The following PLXNA2 variants were observed in gnomAD, a reference collection of about 807,000 sequenced individuals.
The protein encoded by PLXNA2 is plexin-A2.
Under a neutral mutation model 193.5 loss-of-function variants are expected in PLXNA2, and 91 were observed. The ratio of observed to expected loss-of-function variants is 0.47; its 90% confidence interval spans 0.40 to 0.56. The LOEUF is 0.56. Among genes scored for constraint, PLXNA2 ranks in the 20% least tolerant of loss-of-function variants. PLXNA2 has a pLI of 0.00. For missense variants in PLXNA2, 1,995 were observed against 2,503.2 expected (o/e 0.80, Z 4.33); for synonymous variants, 997 against 1,027.3 (o/e 0.97, Z 0.56).
intron 3 of PLXNA2, among the ~76,000 whole-genome samples, chr1:208,149,844 C>T (rs1220599952): frequency 6.6e-6 from 1 of 152,168 alleles, no homozygotes; most frequent in Non-Finnish European, 1.5e-5. Context: ...CACTCACATA[C>T]ACATACACAC....
chr1:208,182,718 G>C (rs1669883382), intron 3 of PLXNA2, among the ~76,000 whole-genome samples: 3 of 151,940 alleles, frequency 2.0e-5, no homozygotes, highest in Admixed American at 2.0e-4. Flanking sequence ...CAAGAAAAGG[G>C]GTTTGAAGGG....
chr1:208,235,448 G>A (rs914132084), intron 1 of PLXNA2, among the ~76,000 whole-genome samples: 1 of 151,976 alleles, frequency 6.6e-6, no homozygotes, highest in Admixed American at 6.6e-5. Flanking sequence ...CCCTCTTCCC[G>A]GGCCTGGCTC....
At chr1:208,134,265 C>T (rs770205813) in intron 4 of PLXNA2, among the ~76,000 whole-genome samples, 1 of 152,130 alleles carries the variant, frequency 6.6e-6, no homozygotes, top group Non-Finnish European at 1.5e-5. Flanking sequence ...ATATTAATAG[C>T]CAGAGAATCA....
At position 208,098,849 on chromosome 1, in the gene PLXNA2, C is replaced by T. The variant is rs1391252076; in HGVS notation, c.1728G>A (p.Arg576=). The change falls in exon 6 of 32, where the codon CGG becomes CGA. Residue 576 remains arginine (R), a synonymous_variant. Coordinates refer to ENST00000367033, the MANE Select transcript of PLXNA2 (RefSeq NM_025179.4). The stretch of plus-strand genomic sequence containing the variant: ...TGCCCCTGGATGAGTTACTTACCAA[C>T]CGGCTGTGCTCAGATACTGAGATGC... ...PSSISVSEHS[R]LLSLVVSDAP... 1 of 1,613,550 alleles carries T rather than the reference C, an allele frequency of 6.2e-7. No homozygotes were observed. Among genetic ancestry groups the T allele is most frequent in the Admixed American group, 1.7e-5 (1 of 59,954 alleles).
chr1:208,233,734 T>C (rs1671764421), intron 1 of PLXNA2, among the ~76,000 whole-genome samples: 1 of 152,184 alleles, frequency 6.6e-6, no homozygotes, highest in African/African-American at 2.4e-5. Context: ...TGTCTCAGCC[T>C]CTTCAAGCTG....
At chr1:208,147,614 A>C (rs1668639366) in intron 3 of PLXNA2, among the ~76,000 whole-genome samples, 1 of 152,204 alleles carries the variant, frequency 6.6e-6, no homozygotes, top group Non-Finnish European at 1.5e-5. Context: ...TCCTGAGGTA[A>C]ATACTATTTT....
rs1302995386 is a variant in PLXNA2, at chr1:208,216,726, C to T, written c.1188+9G>A. 6.2e-7 allele frequency: 1 copy of T among 1,606,760 alleles called. No individual in the cohort carries two copies. The highest frequency in any genetic ancestry group is 1.3e-5 in the African/African-American group (1 of 75,038). On this transcript the variant is annotated intron_variant, in intron 2 of 31. Transcript: ENST00000367033. ...GAGCAGGAGCAGAGCGAGGTGTGTG[C>T]CTCCTTACCGCCTTGGTGCACTGGA...
intron 3 of PLXNA2, among the ~76,000 whole-genome samples, chr1:208,171,552 T>A (rs1397825117): frequency 6.6e-6 from 1 of 152,166 alleles, no homozygotes; most frequent in Non-Finnish European, 1.5e-5. Context: ...GTAATAGGCC[T>A]AGCAAGATGG....
At chr1:208,161,184 A>T (rs1216676996) in intron 3 of PLXNA2, among the ~76,000 whole-genome samples, 1 of 152,158 alleles carries the variant, frequency 6.6e-6, no homozygotes, top group African/African-American at 2.4e-5. Flanking sequence ...ACCAGTCTGG[A>T]ATCTCTGGCA....
At position 208,210,568 on chromosome 1, in the gene PLXNA2, G is replaced by C. The variant is rs1462603010; in HGVS notation, c.1189-106C>G. The C allele has an allele frequency of 6.1e-6, 6 of 984,694 alleles. No individual in the cohort carries two copies. In the African/African-American group the frequency reaches 8.2e-5, roughly 13 times the overall value. The allele number at this position is 984,694 out of a possible 1,614,324, so 61.0% of individuals were successfully genotyped here. On this transcript the variant is annotated intron_variant, in intron 2 of 31. Transcript: ENST00000367033. ...CAGCCTTAGGACACCAGGCCTCAGA[G>C]AGGCAGACATGGGAGTTCAGGGGCC...
chr1:208,116,554 G>C (rs1181016669), intron 4 of PLXNA2, among the ~76,000 whole-genome samples: 3 of 152,126 alleles, frequency 2.0e-5, no homozygotes, highest in Non-Finnish European at 4.4e-5. Flanking sequence ...TTTTTTAATA[G>C]TCAATGTTTA....
chr1:208,057,433 G>A (rs966504075), intron 13 of PLXNA2, among the ~76,000 whole-genome samples: 4 of 152,190 alleles, frequency 2.6e-5, no homozygotes, highest in African/African-American at 9.6e-5. Flanking sequence ...TGGCAGCAAT[G>A]GTAGAGGTGA....
At chr1:208,046,215 C>T (rs569494522) in intron 17 of PLXNA2, 98 bp from the exon 18 acceptor site, 21 of 1,409,162 alleles carry the variant, frequency 1.5e-5, no homozygotes, top group Admixed American at 4.6e-5. Flanking sequence ...TTTTGTGCCT[C>T]GTCACTGGGT....
chr1:208,090,911 C>T (rs1001622387), intron 9 of PLXNA2, among the ~76,000 whole-genome samples: 5 of 152,196 alleles, frequency 3.3e-5, no homozygotes, highest in Non-Finnish European at 4.4e-5. Context: ...CCCCTCTAAG[C>T]GATTCTTTCA....
chr1:208,099,832 G>T (rs1304859235), intron 5 of PLXNA2, among the ~76,000 whole-genome samples: 1 of 152,010 alleles, frequency 6.6e-6, no homozygotes, highest in African/African-American at 2.4e-5. Flanking sequence ...GTCTCCCAAA[G>T]TGCTGAGATT....
chr1:208,096,241 A>G, intron 7 of PLXNA2, 116 bp from the exon 8 acceptor site: 1 of 786,188 alleles, frequency 1.3e-6, no homozygotes, highest in Non-Finnish European at 2.2e-6. Flanking sequence ...TAGGATGTAG[A>G]TACTATGTGG....
intron 1 of PLXNA2, among the ~76,000 whole-genome samples, chr1:208,222,310 G>A (rs939412005): frequency 1.3e-5 from 2 of 152,282 alleles, no homozygotes; most frequent in Middle Eastern, 3.4e-3. Flanking sequence ...CTTGTCACAT[G>A]CATTCTCAAG....
chr1:208,030,262 G>A (rs1047182734), intron 29 of PLXNA2: 7 of 985,326 alleles, frequency 7.1e-6, no homozygotes, highest in Non-Finnish European at 8.4e-6. Context: ...ATTTGCTATT[G>A]AGGTCTGGTT....
chr1:208,162,964 A>AG (rs1399684793), intron 3 of PLXNA2, among the ~76,000 whole-genome samples: 1 of 152,222 alleles, frequency 6.6e-6, no homozygotes, highest in Admixed American at 6.5e-5. Flanking sequence ...GGGATTATAG[A>AG]GGGGCAAATC....
Sources: allele counts gnomAD v4.1 joint callset (sites outside exome capture counted in the v4.1 genomes callset), GRCh38; gene constraint gnomAD v4.1.1; transcripts MANE v1.5; gene names NCBI Gene and HGNC (gene_info 2026-07-23, HGNC 2026-07-21).